ERC1: variants seen among roughly 807,000 people sequenced by gnomAD.
ERC1 encodes RAB6 interacting protein 2.
A neutral mutation model predicts 132.0 loss-of-function variants in ERC1; 56 were observed. That is an observed-to-expected ratio of 0.42 (90% CI 0.34 to 0.53). The LOEUF is 0.53. ERC1 is among the 20% of genes least tolerant of loss of function. The probability of loss-of-function intolerance (pLI) is 0.03; values close to 1 mark genes in which losing one functional copy is unlikely to be tolerated. For missense variants in ERC1, 1,202 were observed against 1,349.9 expected, an observed-to-expected ratio of 0.89 and a Z score of 1.72; for synonymous variants, 478 against 476.1, an observed-to-expected ratio of 1.00 and a Z score of -0.05.
At chr12:1,185,875 G>A (rs1422355531) in intron 11 of ERC1, among the ~76,000 whole-genome samples, 1 of 151,988 alleles carries the variant, frequency 6.6e-6, no homozygotes, top group African/African-American at 2.4e-5. Context: ...AATTCATTCA[G>A]GACTGCTTCT....
Position 1,493,916 on chromosome 12 carries a change from A to T in ERC1, c.*3686A>T. On this transcript the variant is annotated 3_prime_UTR_variant, in exon 19 of 19. Coordinates refer to ENST00000360905, the MANE Select transcript of ERC1 (RefSeq NM_178040.4). ...TATTGAGGGTCAGGGTTGTGAGGCA[A>T]CCATCATGTGTCACCCCAAAATATA... is the stretch of plus-strand genomic sequence containing the variant. 4.3e-6 allele frequency: 1 copy of T among 231,206 alleles called. No homozygotes were observed. Among genetic ancestry groups the T allele is most frequent in the Non-Finnish European group, 8.6e-6 (1 of 116,844 alleles). 14.3% of individuals were successfully genotyped at this position (231,206 alleles called of 1,614,324 possible). A position where few individuals can be genotyped will look rare whatever the true frequency, so the allele number is the denominator to read the frequency against.
intron 7 of ERC1, among the ~76,000 whole-genome samples, chr12:1,133,950 C>T (rs894497013): frequency 6.6e-6 from 1 of 152,030 alleles, no homozygotes; most frequent in African/African-American, 2.4e-5. Flanking sequence ...GCTTTTTGTC[C>T]TTGTATTATG....
intron 14 of ERC1, among the ~76,000 whole-genome samples, chr12:1,277,910 C>T (rs1164689658): frequency 1.3e-5 from 2 of 152,118 alleles, no homozygotes; most frequent in African/African-American, 2.4e-5. Flanking sequence ...TTCTCTTTGC[C>T]GTTGTGTAAT....
In ERC1 at chr12:1,083,577, A is replaced by T. The variant is rs758202814; in HGVS notation, c.1083A>T (p.Arg361Ser). 6.3e-7 allele frequency: 1 copy of T among 1,585,670 alleles called. No individual in the cohort carries two copies. Among genetic ancestry groups the T allele is most frequent in the Non-Finnish European group, 8.5e-7 (1 of 1,171,192 alleles). The change falls in exon 3 of 19, where the codon AGA (arginine) becomes AGT (serine). Residue 361 changes from arginine (R) to serine (S), a missense_variant. Arg to Ser is a moderately radical substitution (Grantham distance 110, BLOSUM62 -1). Coordinates refer to ENST00000360905, the MANE Select transcript of ERC1 (RefSeq NM_178040.4). ...EQKEKENSML[R>S]EEMHRRFENA... ...AGGAAAAAGAGAACAGTATGTTGAG[A>T]GAGGTATGTGACTACTTTTTTAGTT...
At chr12:1,312,077 A>G (rs1336554432) in intron 15 of ERC1, among the ~76,000 whole-genome samples, 1 of 152,176 alleles carries the variant, frequency 6.6e-6, no homozygotes, top group Non-Finnish European at 1.5e-5. Flanking sequence ...TTCTCCTAGA[A>G]ACACATTTTC....
chr12:1,281,886 G>T (rs902620829), intron 14 of ERC1, among the ~76,000 whole-genome samples: 4 of 152,102 alleles, frequency 2.6e-5, no homozygotes, highest in African/African-American at 9.7e-5. Context: ...CATCAGTGAC[G>T]CAAGATACTG....
At chr12:1,444,814 C>A in intron 18 of ERC1, 64 bp downstream of exon 18, 1 of 1,470,576 alleles carries the variant, frequency 6.8e-7, no homozygotes, top group Non-Finnish European at 9.4e-7. Flanking sequence ...TAGGTTGATG[C>A]AGTGGGGGCT....
chr12:1,074,434 G>A lies in ERC1; in HGVS notation c.670-8730G>A, dbSNP rs547260925. ...TCCTGCCTCAGCCTCCCGAATAGCT[G>A]GGATTATAGGATGCCACCATGTCCA... is the stretch of plus-strand genomic sequence containing the variant. On this transcript the variant is annotated intron_variant, in intron 2 of 18. Coordinates refer to ENST00000360905, the MANE Select transcript of ERC1 (RefSeq NM_178040.4). 9.1e-4 allele frequency among the ~76,000 whole-genome samples: 139 copies of A among 152,114 alleles called. 1 individual carries two copies. Among genetic ancestry groups the A allele is most frequent in the African/African-American group, 3.3e-3 (138 of 41,496 alleles).
intron 12 of ERC1, among the ~76,000 whole-genome samples, chr12:1,224,843 T>G (rs1362209347): frequency 6.6e-6 from 1 of 151,396 alleles, no homozygotes; most frequent in Non-Finnish European, 1.5e-5. Context: ...ATAACAAAAT[T>G]AGCCAGGCAT....
intron 8 of ERC1, among the ~76,000 whole-genome samples, chr12:1,169,290 T>C (rs1003949206): frequency 2.3e-4 from 35 of 152,172 alleles, no homozygotes; most frequent in African/African-American, 8.4e-4. Context: ...AGCCCTCCAC[T>C]TTCCCTAGAG....
At chr12:1,296,443 C>T (rs191618969) in intron 15 of ERC1, among the ~76,000 whole-genome samples, 4 of 105,174 alleles carry the variant, frequency 3.8e-5, no homozygotes, top group African/African-American at 1.1e-4. Flanking sequence ...GATGGAGTGT[C>T]GCTCTTGTCC....
At chr12:1,452,401 G>A (rs1197809479) in intron 18 of ERC1, among the ~76,000 whole-genome samples, 3 of 152,000 alleles carry the variant, frequency 2.0e-5, no homozygotes, top group Non-Finnish European at 2.9e-5. Flanking sequence ...TGATGATAAT[G>A]TACCTAGTTG....
intron 1 of ERC1, among the ~76,000 whole-genome samples, chr12:1,001,986 G>A (rs559812342): frequency 1.3e-4 from 20 of 148,190 alleles, no homozygotes; most frequent in South Asian, 1.1e-3. Context: ...CCAGCCTCCC[G>A]AGTAGCTGGG....
intron 12 of ERC1, among the ~76,000 whole-genome samples, chr12:1,201,571 C>T (rs1956919045): frequency 6.6e-6 from 1 of 152,150 alleles, no homozygotes. Context: ...TTTGGACCAT[C>T]TCCTTGGCAA....
chr12:1,471,072 A>T lies in ERC1; in HGVS notation c.3214-19021A>T, dbSNP rs368104722. ...AGTCATGTTTTCTGTTCTCTTGCCA[A>T]ACTCCCGTGCTATTCAGCTCCCTTC... On this transcript the variant is annotated intron_variant, in intron 18 of 18. Transcript: ENST00000360905. Among the ~76,000 whole-genome samples, 3 of 152,158 alleles carry T rather than the reference A, an allele frequency of 2.0e-5. No individual in the cohort carries two copies. The East Asian group carries it at 5.8e-4, about 29-fold the overall frequency.
intron 16 of ERC1, among the ~76,000 whole-genome samples, chr12:1,394,941 T>C (rs1591752427): frequency 6.6e-6 from 1 of 152,226 alleles, no homozygotes; most frequent in East Asian, 1.9e-4. Flanking sequence ...TGTTCACTGA[T>C]TTTTAGAATA....
intron 15 of ERC1, among the ~76,000 whole-genome samples, chr12:1,367,360 G>A (rs560695546): frequency 6.6e-5 from 10 of 152,306 alleles, no homozygotes; most frequent in Admixed American, 5.9e-4. Flanking sequence ...ATGATAGAAT[G>A]TATAGAACAT....
At chr12:1,426,138 T>C (rs900669060) in intron 17 of ERC1, among the ~76,000 whole-genome samples, 1 of 151,500 alleles carries the variant, frequency 6.6e-6, no homozygotes, top group Non-Finnish European at 1.5e-5. Context: ...AGCTTCGCTC[T>C]TATTGCCCAG....
chr12:996,273 T>C (rs1203166436), intron 1 of ERC1, among the ~76,000 whole-genome samples: 4 of 144,858 alleles, frequency 2.8e-5, no homozygotes. Context: ...TTTTTTTTTT[T>C]TTGTATTTTT....
Sources: gnomAD v4.1 joint callset for allele counts (sites outside exome capture counted in the v4.1 genomes callset) on GRCh38, gnomAD v4.1.1 for gene constraint, MANE v1.5 for transcripts, NCBI Gene and HGNC (gene_info 2026-07-23, HGNC 2026-07-21) for gene names.